Variants in AS3MT observed in about 807,000 individuals in gnomAD.
AS3MT encodes the protein S-adenosyl-L-methionine:arsenic(III) methyltransferase.
AS3MT carries 47 observed loss-of-function variants against 45.3 expected under a neutral mutation model. The ratio of observed to expected loss-of-function variants is 1.04; its 90% CI spans 0.82 to 1.32. The LOEUF (loss-of-function observed/expected upper bound fraction) is 1.32. AS3MT is among the 40% of genes most tolerant of loss of function. The pLI is 0.00. For missense variants in AS3MT, 396 were observed against 451.1 expected (o/e 0.88, Z 1.11); for synonymous variants, 141 against 152.8 (o/e 0.92, Z 0.57).
intron 10 of AS3MT, among the ~76,000 whole-genome samples, chr10:102,891,327 C>G (rs1311024148): frequency 6.6e-6 from 1 of 152,234 alleles, no homozygotes; most frequent in African/African-American, 2.4e-5. Flanking sequence ...CTGCCCTGCT[C>G]ACGCCTGACT....
chr10:102,872,742 G>C, intron 4 of AS3MT, 144 bp downstream of exon 4: 1 of 931,014 alleles, frequency 1.1e-6, no homozygotes, highest in South Asian at 1.9e-5. Context: ...AGTGCTTCCT[G>C]TCTTGGAAAC....
At chr10:102,873,052 TA>T in intron 4 of AS3MT, 44 bp from the exon 5 acceptor site, 2 of 1,486,824 alleles carry the variant, frequency 1.3e-6, no homozygotes, top group African/African-American at 1.4e-5. Flanking sequence ...AAAAGTTGTG[TA>T]TTTTTTTCAA....
In AS3MT at chr10:102,873,242, A is replaced by G. The variant is rs772465515; in HGVS notation, c.458+9A>G. 3.9e-5 allele frequency: 61 copies of G among 1,573,606 alleles called. No individual in the cohort carries two copies. The South Asian group carries it at 6.0e-4, about 15-fold the overall frequency. ...AGCCATGATATTGTTGTGTAGGTCT[A>G]TATTCTTACTGTTATGACTATAGCC... is the stretch of plus-strand genomic sequence containing the variant. On this transcript the variant is annotated intron_variant, in intron 5 of 10. Coordinates refer to ENST00000369880, the MANE Select transcript of AS3MT (RefSeq NM_020682.4).
intron 9 of AS3MT, among the ~76,000 whole-genome samples, chr10:102,884,414 T>G (rs1461767975): frequency 3.4e-4 from 4 of 11,750 alleles, no homozygotes; most frequent in Non-Finnish European, 5.7e-4. Flanking sequence ...TCCCACCCCC[T>G]ACCCCCAGCC....
intron 9 of AS3MT, among the ~76,000 whole-genome samples, chr10:102,883,188 C>A: frequency 6.6e-6 from 1 of 151,256 alleles, no homozygotes; most frequent in East Asian, 2.0e-4. Context: ...GCAACCTCAG[C>A]CTCCCTGGTT....
chr10:102,897,316 G>A (rs1196288754), intron 10 of AS3MT, among the ~76,000 whole-genome samples: 2 of 151,408 alleles, frequency 1.3e-5, no homozygotes, highest in African/African-American at 2.4e-5. Flanking sequence ...CCCGGGAGGC[G>A]GAGCTTGCAG....
Position 102,870,238 on chromosome 10 carries a change from A to T in AS3MT, c.170+27A>T. On this transcript the variant is annotated intron_variant, in intron 3 of 10. Transcript: ENST00000369880. Reference sequence around the variant, plus strand: ...TAGAGTGCCCTGTGCTGTCCCCAGGAAGACCCCAAACAGCAGTTTTCCCAA... The same window carrying T: ...TAGAGTGCCCTGTGCTGTCCCCAGGTAGACCCCAAACAGCAGTTTTCCCAA... 2.5e-6 allele frequency: 4 copies of T among 1,613,394 alleles called. No individual in the cohort carries two copies. The South Asian group carries it at 4.4e-5, about 18-fold the overall frequency.
At chr10:102,871,779 T>G (rs548548094) in intron 3 of AS3MT, among the ~76,000 whole-genome samples, 1 of 150,594 alleles carries the variant, frequency 6.6e-6, no homozygotes, top group South Asian at 2.1e-4. Flanking sequence ...AAAACGCCTA[T>G]GGGACAGAAA....
chr10:102,887,627 T>C (rs1844979356), intron 9 of AS3MT, among the ~76,000 whole-genome samples: 1 of 152,178 alleles, frequency 6.6e-6, no homozygotes, highest in Admixed American at 6.6e-5. Flanking sequence ...TAAGTATAGC[T>C]ACTCCTGTTC....
intron 9 of AS3MT, among the ~76,000 whole-genome samples, chr10:102,886,156 T>C (rs1484030589): frequency 6.6e-6 from 1 of 152,144 alleles, no homozygotes; most frequent in African/African-American, 2.4e-5. Context: ...ATTTCATTTA[T>C]TTCTGCTGTG....
chr10:102,894,132 A>C (rs984604126), intron 10 of AS3MT, among the ~76,000 whole-genome samples: 2 of 152,096 alleles, frequency 1.3e-5, no homozygotes. Context: ...GTAAATCAAA[A>C]ATAAAATTCT....
At chr10:102,869,756 C>G (rs1844645012) in intron 1 of AS3MT, 49 bp from the exon 2 acceptor site, 1 of 1,613,626 alleles carries the variant, frequency 6.2e-7, no homozygotes. Flanking sequence ...TCCCTCATGC[C>G]CGTCCCTCAG....
intron 5 of AS3MT, among the ~76,000 whole-genome samples, chr10:102,874,175 C>T (rs920264551): frequency 1.3e-5 from 2 of 152,010 alleles, no homozygotes; most frequent in Non-Finnish European, 2.9e-5. Flanking sequence ...ATCACTTGAA[C>T]CCGGGAGGCG....
chr10:102,887,087 A>G (rs988832127), intron 9 of AS3MT, among the ~76,000 whole-genome samples: 11 of 152,022 alleles, frequency 7.2e-5, no homozygotes, highest in Admixed American at 5.2e-4. Context: ...TCATGGACCC[A>G]TTGGCTATTC....
chr10:102,878,107 G>A (rs11191438), intron 7 of AS3MT, among the ~76,000 whole-genome samples: 5 of 151,702 alleles, frequency 3.3e-5, no homozygotes, highest in African/African-American at 4.8e-5. Context: ...AGAATGTGGC[G>A]TACTGCATAC....
chr10:102,879,191 G>A (rs1028335933), intron 9 of AS3MT, among the ~76,000 whole-genome samples, 200 bp downstream of exon 9: 1 of 151,952 alleles, frequency 6.6e-6, no homozygotes, highest in Non-Finnish European at 1.5e-5. Context: ...ACAGGGTCTC[G>A]CTCTGTCACC....
At chr10:102,870,972 C>G (rs1425160792) in intron 3 of AS3MT, among the ~76,000 whole-genome samples, 1 of 152,114 alleles carries the variant, frequency 6.6e-6, no homozygotes, top group Admixed American at 6.6e-5. Flanking sequence ...CGGCGGGGAG[C>G]GGTGGCTCAC....
chr10:102,869,653 A>T (rs1406170051), intron 1 of AS3MT, 60 bp downstream of exon 1: 1 of 1,565,460 alleles, frequency 6.4e-7, no homozygotes, highest in African/African-American at 1.4e-5. Context: ...GGCCCCCGCA[A>T]GGCGGGAACG....
intron 10 of AS3MT, among the ~76,000 whole-genome samples, chr10:102,898,321 C>T (rs781718012): frequency 3.3e-5 from 5 of 151,542 alleles, no homozygotes; most frequent in East Asian, 1.9e-4. Context: ...TCTGGCTGGG[C>T]GTGGTGGCTC....
Sources: gnomAD v4.1 joint callset for allele counts (sites outside exome capture counted in the v4.1 genomes callset) on GRCh38, gnomAD v4.1.1 for gene constraint, MANE v1.5 for transcripts, NCBI Gene and HGNC (gene_info 2026-07-23, HGNC 2026-07-21) for gene names.